Variants in ILF2 observed in about 807,000 individuals in gnomAD.
ILF2 encodes the protein interleukin enhancer-binding factor 2.
In ILF2, 9 loss-of-function variants were observed where a neutral mutation model predicts 55.3. That is an observed-to-expected ratio of 0.16 (90% CI 0.10 to 0.28). The LOEUF is 0.28. ILF2 is among the 10% of genes least tolerant of loss of function. The pLI, the probability that ILF2 is intolerant of heterozygous loss-of-function variation, is 1.00. For synonymous variants in ILF2, 151 were observed against 161.8 expected (o/e 0.93, Z 0.50); for missense variants, 266 against 474.9 (o/e 0.56, Z 4.09).
In ILF2 at chr1:153,663,352, A is replaced by G. The variant is rs1669222967; in HGVS notation, c.745-76T>C. Reference sequence around the variant, plus strand: ...AACTAGAACTTTATTTTTTAGAGACAGGGCCTCACTTTGTCATCCAGGCTG... The same window carrying G: ...AACTAGAACTTTATTTTTTAGAGACGGGGCCTCACTTTGTCATCCAGGCTG... On this transcript the variant is annotated intron_variant, in intron 10 of 13. Transcript: ENST00000361891. 4.4e-6 allele frequency: 6 copies of G among 1,351,046 alleles called. No individual in the cohort carries two copies. In the South Asian group the frequency reaches 5.9e-5, roughly 13 times the overall value. 83.7% of individuals were successfully genotyped at this position (1,351,046 alleles called of 1,614,324 possible). A position where few individuals can be genotyped will look rare whatever the true frequency, so the allele number is the denominator to read the frequency against.
At chr1:153,664,851 C>G (rs930456540) in intron 8 of ILF2, among the ~76,000 whole-genome samples, 2 of 152,240 alleles carry the variant, frequency 1.3e-5, no homozygotes, top group African/African-American at 2.4e-5. Flanking sequence ...AGCCACCGCA[C>G]CCGACCAACT....
intron 1 of ILF2, 48 bp downstream of exon 1, chr1:153,670,870 G>A: frequency 1.9e-6 from 3 of 1,613,228 alleles, no homozygotes; most frequent in Non-Finnish European, 2.5e-6. Context: ...CGTTCACAAA[G>A]TTTTCCGTCG....
chr1:153,665,851 T>C lies in ILF2; in HGVS notation c.395-123A>G, dbSNP rs1669292973. On this transcript the variant is annotated intron_variant, in intron 6 of 13. Coordinates refer to ENST00000361891, the MANE Select transcript of ILF2 (RefSeq NM_004515.4). ...CCAAGGCTGAAGCAAGGGTAAGTAA[T>C]AGAATATATACTTTTATAAGAGAAA... 4.1e-6 allele frequency: 3 copies of C among 725,360 alleles called. No homozygotes were observed. In the East Asian group the frequency reaches 7.9e-5, roughly 19 times the overall value. 44.9% of individuals were successfully genotyped at this position (725,360 alleles called of 1,614,324 possible).
At chr1:153,670,139 C>G (rs958255796) in intron 2 of ILF2, 32 bp downstream of exon 2, 5 of 1,606,834 alleles carry the variant, frequency 3.1e-6, no homozygotes, top group Admixed American at 1.7e-5. Flanking sequence ...AACTAACAAC[C>G]AAGTGCAGAG....
At chr1:153,670,363 C>G in intron 1 of ILF2, 133 bp from the exon 2 acceptor site, 1 of 762,278 alleles carries the variant, frequency 1.3e-6, no homozygotes, top group Non-Finnish European at 2.2e-6. Flanking sequence ...ACACTTGTCC[C>G]CATTCCAAAT....
chr1:153,670,289 T>G, intron 1 of ILF2, 59 bp from the exon 2 acceptor site: 4 of 1,559,694 alleles, frequency 2.6e-6, no homozygotes, highest in Non-Finnish European at 3.5e-6. Flanking sequence ...CCATATCATC[T>G]TAGGTTGGCT....
intron 8 of ILF2, 116 bp from the exon 9 acceptor site, chr1:153,664,590 C>T (rs994700760): frequency 7.3e-6 from 6 of 824,682 alleles, no homozygotes; most frequent in Non-Finnish European, 1.2e-5. Flanking sequence ...GAGTCTCGCT[C>T]TGTTGTCCAG....
intron 9 of ILF2, 113 bp downstream of exon 9, chr1:153,664,283 C>A: frequency 1.9e-6 from 2 of 1,076,614 alleles, no homozygotes; most frequent in South Asian, 2.7e-5. Flanking sequence ...AAATAAAAAT[C>A]CAGACACGAG....
intron 7 of ILF2, 109 bp downstream of exon 7, chr1:153,665,554 T>C (rs1669284693): frequency 9.9e-7 from 1 of 1,012,414 alleles, no homozygotes; most frequent in African/African-American, 1.6e-5. Flanking sequence ...CATAAAACTC[T>C]GCATTTACTC....
At chr1:153,667,785 A>G in intron 5 of ILF2, 128 bp from the exon 6 acceptor site, 1 of 720,040 alleles carries the variant, frequency 1.4e-6, no homozygotes, top group Non-Finnish European at 2.4e-6. Flanking sequence ...AATCACCCCC[A>G]AAACCACCAC....
At chr1:153,668,626 T>G in intron 3 of ILF2, 69 bp from the exon 4 acceptor site, 1 of 1,504,386 alleles carries the variant, frequency 6.6e-7, no homozygotes, top group Non-Finnish European at 8.9e-7. Flanking sequence ...GTTTTTTCTA[T>G]TACTACGACA....
intron 8 of ILF2, among the ~76,000 whole-genome samples, chr1:153,664,964 C>T (rs1483217345): frequency 6.6e-6 from 1 of 152,232 alleles, no homozygotes; most frequent in Non-Finnish European, 1.5e-5. Context: ...GCCTATCCCC[C>T]TCCATAAATA....
chr1:153,667,179 C>A, intron 6 of ILF2: 1 of 308,380 alleles, frequency 3.2e-6, no homozygotes. Flanking sequence ...GAAATTTGAG[C>A]TTTCAAGATC....
chr1:153,670,147 G>C (rs369217757), intron 2 of ILF2, 24 bp downstream of exon 2: 14 of 1,611,198 alleles, frequency 8.7e-6, no homozygotes, highest in Admixed American at 5.0e-5. Flanking sequence ...ACCAAGTGCA[G>C]AGATGCTAAA....
chr1:153,668,593 G>A (rs759034055), intron 3 of ILF2, 36 bp from the exon 4 acceptor site: 31 of 1,592,076 alleles, frequency 1.9e-5, no homozygotes, highest in Middle Eastern at 1.7e-4. Context: ...TCTATTTGCC[G>A]AAGATAATAT....
At position 153,662,397 on chromosome 1, in the gene ILF2, C is replaced by A; in HGVS notation, c.1172G>T (p.Ter391LeuextTer16). ...EEEESMETQE[*>L] ...GTAGGAAAAGGAGTGAAGGGAATGT[C>A]ACTCCTGAGTTTCCATGCTTTCTTC... Residue 391 changes from the stop codon to leucine (L), a stop_lost, in exon 14 of 14, where the codon TGA becomes TTA. Transcript: ENST00000361891. The A allele has an allele frequency of 6.2e-7, 1 of 1,614,062 alleles. No homozygotes were observed. Among genetic ancestry groups the A allele is most frequent in the South Asian group, 1.1e-5 (1 of 91,076 alleles).
chr1:153,666,897 G>A (rs531007089), intron 6 of ILF2, among the ~76,000 whole-genome samples: 7 of 150,730 alleles, frequency 4.6e-5, no homozygotes, highest in South Asian at 4.2e-4. Context: ...CAAGGCGGGC[G>A]GATCACCTGA....
At chr1:153,667,463 A>T in intron 6 of ILF2, 92 bp downstream of exon 6, 1 of 890,592 alleles carries the variant, frequency 1.1e-6, no homozygotes, top group Non-Finnish European at 1.9e-6. Context: ...TGGCCAACGG[A>T]GGGAGAATTT....
chr1:153,670,213 C>G lies in ILF2; in HGVS notation c.23G>C (p.Gly8Ala). The stretch of plus-strand genomic sequence containing the variant: ...TCTGGAACCAAAGCGCCCACCACGA[C>G]CACGGCCTCTGTCACCCCTAGAAAT... MRGDRGR[G>A]RGGRFGSRGG... Residue 8 changes from glycine (G) to alanine (A), a missense_variant, in exon 2 of 14, where the codon GGT becomes GCT. Coordinates refer to ENST00000361891, the MANE Select transcript of ILF2 (RefSeq NM_004515.4). 1 of 1,614,120 alleles carries G rather than the reference C, an allele frequency of 6.2e-7. No homozygotes were observed. The highest frequency in any genetic ancestry group is 8.5e-7 in the Non-Finnish European group (1 of 1,180,018).
Sources: gnomAD v4.1 joint callset for allele counts (sites outside exome capture counted in the v4.1 genomes callset) on GRCh38, gnomAD v4.1.1 for gene constraint, MANE v1.5 for transcripts, NCBI Gene and HGNC (gene_info 2026-07-23, HGNC 2026-07-21) for gene names.